ZSWIM4: variants seen among roughly 807,000 people sequenced by gnomAD.
ZSWIM4 encodes zinc finger SWIM domain-containing protein 4.
ZSWIM4 carries 62 observed loss-of-function variants against 102.5 expected under a neutral mutation model. The observed-to-expected ratio is 0.60, with a 90% CI of 0.49 to 0.75. The LOEUF (loss-of-function observed/expected upper bound fraction) is 0.75, where lower values mean the gene tolerates loss of function less well. Ranked by LOEUF, ZSWIM4 falls within the 30% of genes least tolerant of loss-of-function variation. The pLI, the probability that ZSWIM4 is intolerant of heterozygous loss-of-function variation, is 0.00. For missense variants in ZSWIM4, 1,280 were observed against 1,529.6 expected (o/e 0.84, Z 2.72); for synonymous variants, 652 against 674.5 (o/e 0.97, Z 0.52).
chr19:13,821,330 G>A (rs1975456761), intron 10 of ZSWIM4, among the ~76,000 whole-genome samples: 1 of 150,626 alleles, frequency 6.6e-6, no homozygotes, highest in South Asian at 2.1e-4. Flanking sequence ...TGCCCAAAAA[G>A]GTGCAACCTA....
chr19:13,808,041 G>GGA (rs897776937), intron 3 of ZSWIM4, among the ~76,000 whole-genome samples: 15 of 151,972 alleles, frequency 9.9e-5, no homozygotes, highest in Admixed American at 3.9e-4. Flanking sequence ...ATGGCTGTCA[G>GGA]GAGAGAGAGA....
intron 10 of ZSWIM4, among the ~76,000 whole-genome samples, chr19:13,822,621 T>C (rs1331630462): frequency 1.3e-5 from 2 of 152,034 alleles, no homozygotes. Flanking sequence ...GACGGGCGGA[T>C]CACTTGAGGA....
Position 13,823,426 on chromosome 19 carries a change from C to T in ZSWIM4, c.2141C>T (p.Pro714Leu), listed in dbSNP as rs1311845130. 6.2e-7 allele frequency: 1 copy of T among 1,606,384 alleles called. No homozygotes were observed. The highest frequency in any genetic ancestry group is 1.3e-5 in the African/African-American group (1 of 74,690). The change falls in exon 11 of 14, where the codon CCC (proline) becomes CTC (leucine). Residue 714 changes from proline to leucine, a missense_variant. Physicochemically the swap from Pro to Leu is moderately conservative, Grantham distance 98. Transcript: ENST00000590508. ...GACTCCATCATGAGCAACCGCTTCC[C>T]CCGCTGGTTCATCCTTGGCCACCTG... is the stretch of plus-strand genomic sequence containing the variant. The part of the protein sequence containing the change: ...PLDSIMSNRF[P>L]RWFILGHLET...
chr19:13,807,637 A>G (rs1327329841), intron 3 of ZSWIM4, among the ~76,000 whole-genome samples: 1 of 141,954 alleles, frequency 7.0e-6, no homozygotes, highest in Admixed American at 7.2e-5. Context: ...TACAGGGGAG[A>G]TAGATGGATT....
Position 13,806,420 on chromosome 19 carries a change from C to G in ZSWIM4, c.712+1272C>G, listed in dbSNP as rs2145279553. On this transcript the variant is annotated intron_variant, in intron 3 of 13. Transcript: ENST00000590508. ...TGGTGGCTCATACCTATAATCCCAG[C>G]ATTTGGGAGGCTGAGGAAGGAGGAT... Among the ~76,000 whole-genome samples, 2 of 152,040 alleles carry G rather than the reference C, an allele frequency of 1.3e-5. 1 individual carries two copies. The highest frequency in any genetic ancestry group is 1.3e-4 in the Admixed American group (2 of 15,262).
chr19:13,814,864 A>G lies in ZSWIM4; in HGVS notation c.1530A>G (p.Lys510=). 1.6e-6 allele frequency: 2 copies of G among 1,243,716 alleles called. No individual in the cohort carries two copies. The highest frequency in any genetic ancestry group is 2.1e-6 in the Non-Finnish European group (2 of 955,872). 77.0% of individuals were successfully genotyped at this position (1,243,716 alleles called of 1,614,324 possible). Residue 510 remains lysine (K), a splice_region_variant and synonymous_variant, in exon 7 of 14, where the codon AAA becomes AAG. Coordinates refer to ENST00000590508, the MANE Select transcript of ZSWIM4 (RefSeq NM_001367834.3). ...HQLESYKQQK[K]ELLQKGSTCI... Reference sequence around the variant, plus strand: ...TAGAGAGCTACAAGCAGCAGAAAAAAGGTCAGCCTCAGCCGGGCACGGGGG... The same window carrying G: ...TAGAGAGCTACAAGCAGCAGAAAAAGGGTCAGCCTCAGCCGGGCACGGGGG...
intron 1 of ZSWIM4, among the ~76,000 whole-genome samples, chr19:13,798,105 T>G (rs1239227563): frequency 2.0e-5 from 3 of 152,230 alleles, no homozygotes; most frequent in Non-Finnish European, 1.5e-5. Flanking sequence ...GTGTTCAGCA[T>G]AGTGTGTGCA....
At chr19:13,798,819 C>T (rs1179320185) in intron 1 of ZSWIM4, among the ~76,000 whole-genome samples, 1 of 152,172 alleles carries the variant, frequency 6.6e-6, no homozygotes, top group Admixed American at 6.6e-5. Flanking sequence ...GACGGAGTCT[C>T]GCTCCGTGGC....
At position 13,814,638 on chromosome 19, in the gene ZSWIM4, C is replaced by T; in HGVS notation, c.1304C>T (p.Ser435Phe). ...AYLQRILASD[S>F]YGPSLTGSVG... ...CTGCAGAGGATCCTGGCCAGTGACT[C>T]CTACGGGCCCAGCCTCACAGGCAGC... Residue 435 changes from serine to phenylalanine, a missense_variant, in exon 7 of 14, where the codon TCC (serine) becomes TTC (phenylalanine). Physicochemically the swap from Ser to Phe is radical, Grantham distance 155 (BLOSUM62 -2). Coordinates refer to ENST00000590508, the MANE Select transcript of ZSWIM4 (RefSeq NM_001367834.3). The T allele has an allele frequency of 1.6e-6, 2 of 1,261,560 alleles. No homozygotes were observed. The highest frequency in any genetic ancestry group is 2.1e-6 in the Non-Finnish European group (2 of 969,340). The allele number at this position is 1,261,560 out of a possible 1,614,324, so 78.1% of individuals were successfully genotyped here.
Position 13,831,929 on chromosome 19 carries a change from C to G in ZSWIM4, c.*879C>G, listed in dbSNP as rs1384903512. The G allele has an allele frequency of 6.6e-6, 1 of 152,048 alleles. No individual in the cohort carries two copies. The highest frequency in any genetic ancestry group is 6.6e-5 in the Admixed American group (1 of 15,236). 9.4% of individuals were successfully genotyped at this position (152,048 alleles called of 1,614,324 possible). ...TCCCGGCACTTACCTGCCTTTCTCT[C>G]TGCACCTAAGTCCCTGCCGCCCTCT... On this transcript the variant is annotated 3_prime_UTR_variant, in exon 14 of 14. Coordinates refer to ENST00000590508, the MANE Select transcript of ZSWIM4 (RefSeq NM_001367834.3).
rs3745455 is a variant in ZSWIM4, at chr19:13,809,063, G to T, written c.862-7G>T. ...AGCCCTTCCTCACCACCCTGTCCCCGGCACAGGTGCGGGAGATGCTGCGAA... is the reference window on the plus strand; with the variant it reads ...AGCCCTTCCTCACCACCCTGTCCCCTGCACAGGTGCGGGAGATGCTGCGAA... On this transcript the variant is annotated splice_polypyrimidine_tract_variant and splice_region_variant and intron_variant, in intron 4 of 13. Transcript: ENST00000590508. This position sits in a 1 kb window ranked among gnomAD's most constrained non-coding sequence, Gnocchi z 4.2. 1.6e-3 allele frequency: 2,525 copies of T among 1,611,394 alleles called. 27 individuals are homozygous for T. The East Asian group carries it at 0.035, about 22-fold the overall frequency.
intron 12 of ZSWIM4, among the ~76,000 whole-genome samples, chr19:13,827,084 A>G (rs182247374): frequency 6.6e-6 from 1 of 152,106 alleles, no homozygotes; most frequent in Non-Finnish European, 1.5e-5. Flanking sequence ...CAGGAGTTTG[A>G]GATTGGCCTG....
chr19:13,808,910 G>C lies in ZSWIM4; in HGVS notation c.787G>C (p.Glu263Gln). 3 of 1,612,164 alleles carry C rather than the reference G, an allele frequency of 1.9e-6. No individual in the cohort carries two copies. The highest frequency in any genetic ancestry group is 1.7e-6 in the Non-Finnish European group (2 of 1,179,330). ...GCACCTGGACGAGGAGCAGATCCAG[G>C]AGCAGGTGAAGCAGCTACTGTCCAA... is the stretch of plus-strand genomic sequence containing the variant. ...CWHLDEEQIQ[E>Q]QVKQLLSNGG... Residue 263 changes from glutamate (E) to glutamine (Q), a missense_variant, in exon 4 of 14, where the codon GAG becomes CAG. Glu to Gln is a conservative substitution (Grantham distance 29). Transcript: ENST00000590508.
intron 10 of ZSWIM4, among the ~76,000 whole-genome samples, chr19:13,821,410 T>C (rs1260312878): frequency 2.0e-5 from 3 of 152,054 alleles, no homozygotes; most frequent in Non-Finnish European, 4.4e-5. Flanking sequence ...GGTACACATC[T>C]ATGGTCCTAG....
In ZSWIM4 at chr19:13,802,566, A is replaced by T. The variant is rs1373677845; in HGVS notation, c.356-2226A>T. 3.4e-5 allele frequency among the ~76,000 whole-genome samples: 5 copies of T among 149,052 alleles called. No individual in the cohort carries two copies. The East Asian group carries it at 8.2e-4, about 24-fold the overall frequency. ...TTGCTCTCCAGCCTGGGCAAGAGAG[A>T]GAGACTCTGTCTCAAAAGAAAAAAA... On this transcript the variant is annotated intron_variant, in intron 2 of 13. Transcript: ENST00000590508.
In ZSWIM4 at chr19:13,814,675, C is replaced by G; in HGVS notation, c.1341C>G (p.Asp447Glu). ...GCCTCACAGGCAGCGTGGGTGGGGA[C>G]AAACCGACTTTCGACCCCCAGGGCC... Reference protein sequence around the residue: ...GPSLTGSVGGDKPTFDPQGRP... With the variant: ...GPSLTGSVGGEKPTFDPQGRP... Residue 447 changes from aspartate (D) to glutamate (E), a missense_variant, in exon 7 of 14, where the codon GAC becomes GAG. Asp to Glu is a conservative substitution (Grantham distance 45). Transcript: ENST00000590508. 1 of 1,281,956 alleles carries G rather than the reference C, an allele frequency of 7.8e-7. No individual in the cohort carries two copies. The highest frequency in any genetic ancestry group is 1.0e-6 in the Non-Finnish European group (1 of 983,762). 79.4% of individuals were successfully genotyped at this position (1,281,956 alleles called of 1,614,324 possible).
chr19:13,830,508 C>A lies in ZSWIM4; in HGVS notation c.2779C>A (p.Arg927Ser). ...CCACGCCCACCTCTTCACTGTGGCC[C>A]GCTATATGGAGCACCGCGGGCTGCC... ...LGHAHLFTVA[R>S]YMEHRGLPLR... The change falls in exon 14 of 14, where the codon CGC becomes AGC. Residue 927 changes from arginine (R) to serine (S), a missense_variant. Transcript: ENST00000590508. 6.2e-7 allele frequency: 1 copy of A among 1,600,228 alleles called. No homozygotes were observed. The highest frequency in any genetic ancestry group is 8.5e-7 in the Non-Finnish European group (1 of 1,179,452).
At chr19:13,808,384 G>A (rs1353577127) in intron 3 of ZSWIM4, among the ~76,000 whole-genome samples, 1 of 151,730 alleles carries the variant, frequency 6.6e-6, no homozygotes, top group Non-Finnish European at 1.5e-5. Flanking sequence ...AAGCAGATGG[G>A]TGGGTGGGGT....
Position 13,799,761 on chromosome 19 carries a change from G to A in ZSWIM4, c.195G>A (p.Lys65=). Residue 65 remains lysine, a synonymous_variant, in exon 2 of 14, where the codon AAG becomes AAA. Coordinates refer to ENST00000590508, the MANE Select transcript of ZSWIM4 (RefSeq NM_001367834.3). ...RFSRVPEPVQ[K]RIVFWSFPRS... ...CCCGGGTGCCTGAGCCCGTCCAGAA[G>A]CGCATCGTGTTTTGGTCGTTTCCAC... 1 of 1,614,066 alleles carries A rather than the reference G, an allele frequency of 6.2e-7. No individual in the cohort carries two copies. The highest frequency in any genetic ancestry group is 8.5e-7 in the Non-Finnish European group (1 of 1,180,020).
Sources: gnomAD v4.1 joint callset for allele counts (sites outside exome capture counted in the v4.1 genomes callset) on GRCh38, gnomAD v4.1.1 for gene constraint, Gnocchi (gnomAD v3.1) non-coding constraint, MANE v1.5 for transcripts, NCBI Gene and HGNC (gene_info 2026-07-23, HGNC 2026-07-21) for gene names.